The following RSRC1 variants were observed in gnomAD, a reference collection of about 807,000 sequenced individuals.
RSRC1 encodes serine/Arginine-related protein 53.
Under a neutral mutation model 49.1 loss-of-function variants are expected in RSRC1, and 39 were observed. That is an observed-to-expected ratio of 0.79 (90% CI 0.61 to 1.04). The LOEUF is 1.04. Ranked by LOEUF, RSRC1 falls within the 50% of genes least tolerant of loss-of-function variation. RSRC1 has a pLI of 0.00. For synonymous variants in RSRC1, 143 were observed against 130.8 expected, an observed-to-expected ratio of 1.09 and a Z score of -0.63; for missense variants, 388 against 402.4, an observed-to-expected ratio of 0.96 and a Z score of 0.31.
intron 5 of RSRC1, among the ~76,000 whole-genome samples, chr3:158,319,221 C>T (rs892459287): frequency 4.6e-5 from 7 of 152,104 alleles, no homozygotes; most frequent in East Asian, 3.9e-4. Context: ...GGGGTGGTTT[C>T]CCCCATGCTG....
intron 6 of RSRC1, among the ~76,000 whole-genome samples, chr3:158,423,416 G>A (rs1389589392): frequency 6.6e-6 from 1 of 151,964 alleles, no homozygotes; most frequent in Non-Finnish European, 1.5e-5. Flanking sequence ...TGAGGGCTCT[G>A]TTCTGTTCCA....
intron 4 of RSRC1, among the ~76,000 whole-genome samples, chr3:158,229,599 A>G (rs781353562): frequency 6.6e-6 from 1 of 150,938 alleles, no homozygotes; most frequent in Non-Finnish European, 1.5e-5. Flanking sequence ...GTTGTGATTG[A>G]AAGCACTGTG....
chr3:158,435,650 G>GTA (rs1488094067), intron 6 of RSRC1, among the ~76,000 whole-genome samples: 7 of 151,574 alleles, frequency 4.6e-5, no homozygotes, highest in Non-Finnish European at 1.5e-5. Context: ...CACTTTGAAA[G>GTA]TATATATTTC....
intron 4 of RSRC1, among the ~76,000 whole-genome samples, chr3:158,207,975 T>C (rs189905564): frequency 2.6e-5 from 4 of 152,254 alleles, no homozygotes; most frequent in Non-Finnish European, 5.9e-5. Context: ...ATGTCATAAA[T>C]TGGCCTGCTA....
intron 7 of RSRC1, among the ~76,000 whole-genome samples, chr3:158,465,418 T>C (rs1015902033): frequency 6.6e-6 from 1 of 152,154 alleles, no homozygotes; most frequent in Admixed American, 6.6e-5. Flanking sequence ...TTCCCTCCAC[T>C]GTGGTTCATC....
intron 7 of RSRC1, among the ~76,000 whole-genome samples, chr3:158,478,310 T>C (rs1738471208): frequency 6.6e-6 from 1 of 151,988 alleles, no homozygotes; most frequent in African/African-American, 2.4e-5. Context: ...CTATGTCTTG[T>C]TGAGATGATC....
intron 5 of RSRC1, among the ~76,000 whole-genome samples, chr3:158,325,209 C>T (rs1230027844): frequency 6.6e-6 from 1 of 152,132 alleles, no homozygotes; most frequent in Non-Finnish European, 1.5e-5. Context: ...GTTTCTTTTG[C>T]TGTGTAGAAG....
At chr3:158,335,745 T>G (rs1408106030) in intron 5 of RSRC1, among the ~76,000 whole-genome samples, 1 of 152,228 alleles carries the variant, frequency 6.6e-6, no homozygotes, top group Non-Finnish European at 1.5e-5. Flanking sequence ...ACTACTCAAT[T>G]CTGCCACTTG....
chr3:158,341,304 A>G lies in RSRC1; in HGVS notation c.532-13553A>G, dbSNP rs376543063. Among the ~76,000 whole-genome samples the G allele has an allele frequency of 6.6e-4, 100 of 152,166 alleles. No individual in the cohort carries two copies. The East Asian group carries it at 0.016, about 25-fold the overall frequency. On this transcript the variant is annotated intron_variant, in intron 5 of 9. Coordinates refer to ENST00000611884, the MANE Select transcript of RSRC1 (RefSeq NM_001271838.2). Reference sequence around the variant, plus strand: ...CCTTCATGGCAGCCCCTCCCATCACAGGCCCAGAGACCCAGCAGGAAAAAG... The same window carrying G: ...CCTTCATGGCAGCCCCTCCCATCACGGGCCCAGAGACCCAGCAGGAAAAAG...
At chr3:158,333,671 A>G (rs1259674683) in intron 5 of RSRC1, among the ~76,000 whole-genome samples, 1 of 152,242 alleles carries the variant, frequency 6.6e-6, no homozygotes, top group South Asian at 2.1e-4. Context: ...TGAAAGCTCT[A>G]TCAGAGGCAA....
intron 5 of RSRC1, among the ~76,000 whole-genome samples, 174 bp from the exon 6 acceptor site, chr3:158,354,682 TC>T (rs1304477167): frequency 6.6e-6 from 1 of 152,230 alleles, no homozygotes; most frequent in East Asian, 1.9e-4. Context: ...AAGAAGCTTA[TC>T]ATTCTTGCAT....
At chr3:158,127,756 G>GTTTTTTTTTTTTTTTTTTTGTTT (rs1715723674) in intron 3 of RSRC1, among the ~76,000 whole-genome samples, 1 of 81,240 alleles carries the variant, frequency 1.2e-5, no homozygotes, top group African/African-American at 5.1e-5. Context: ...CTGCTTTGTG[G>GTTTTTTTTTTTTTTTTTTTGTTT]TTTTTTTTTT....
chr3:158,244,974 C>A (rs1214734043), intron 4 of RSRC1, among the ~76,000 whole-genome samples: 1 of 149,486 alleles, frequency 6.7e-6, no homozygotes, highest in East Asian at 2.0e-4. Flanking sequence ...TTTCAAAAAA[C>A]CAGCTCCTGG....
intron 1 of RSRC1, among the ~76,000 whole-genome samples, chr3:158,117,549 G>C (rs4602343): frequency 0.71 from 108,216 of 152,126 alleles, 39,218 homozygotes; most frequent in African/African-American, 0.83. Flanking sequence ...ACTTCGGCCT[G>C]CCAAAGTGCT....
chr3:158,152,159 C>CT (rs1291976197), intron 3 of RSRC1, among the ~76,000 whole-genome samples: 1 of 151,878 alleles, frequency 6.6e-6, no homozygotes, highest in African/African-American at 2.4e-5. Context: ...TCTCTGGACT[C>CT]TGTTTCTCTT....
At chr3:158,355,297 G>A (rs1451766074) in intron 6 of RSRC1, among the ~76,000 whole-genome samples, 1 of 151,138 alleles carries the variant, frequency 6.6e-6, no homozygotes, top group East Asian at 2.0e-4. Flanking sequence ...TTAAAATGGA[G>A]GAGTTAGTCT....
At chr3:158,232,650 T>C (rs1184254999) in intron 4 of RSRC1, among the ~76,000 whole-genome samples, 1 of 152,146 alleles carries the variant, frequency 6.6e-6, no homozygotes, top group Non-Finnish European at 1.5e-5. Context: ...TAAGTTAGTA[T>C]TGAACTTTAA....
intron 7 of RSRC1, among the ~76,000 whole-genome samples, chr3:158,497,206 C>A (rs887920081): frequency 6.9e-6 from 1 of 145,778 alleles, no homozygotes; most frequent in African/African-American, 2.6e-5. Context: ...TATAACTCCC[C>A]CTTCCCCCTC....
chr3:158,220,204 T>C (rs1722157401), intron 4 of RSRC1, among the ~76,000 whole-genome samples: 1 of 151,630 alleles, frequency 6.6e-6, no homozygotes, highest in African/African-American at 2.4e-5. Context: ...TAATCGTAGA[T>C]AGGGAAGTCA....
Sources: gnomAD v4.1 joint callset for allele counts (sites outside exome capture counted in the v4.1 genomes callset) on GRCh38, gnomAD v4.1.1 for gene constraint, MANE v1.5 for transcripts, NCBI Gene and HGNC (gene_info 2026-07-23, HGNC 2026-07-21) for gene names.